The following RNF13 variants were observed in gnomAD, a reference collection of about 807,000 sequenced individuals.
RNF13 encodes E3 ubiquitin-protein ligase RNF13.
Under a neutral mutation model 37.7 loss-of-function variants are expected in RNF13, and 19 were observed. The observed-to-expected ratio is 0.50, with a 90% confidence interval of 0.35 to 0.74. The LOEUF (loss-of-function observed/expected upper bound fraction) is 0.74, where lower values mean the gene tolerates loss of function less well. Among genes scored for constraint, RNF13 ranks in the 30% least tolerant of loss-of-function variants. The pLI is 0.01. For missense variants in RNF13, 375 were observed against 453.0 expected (o/e 0.83, Z 1.56); for synonymous variants, 144 against 157.8 (o/e 0.91, Z 0.65).
chr3:149,894,468 G>T (rs1576836211), intron 4 of RNF13, among the ~76,000 whole-genome samples: 1 of 152,092 alleles, frequency 6.6e-6, no homozygotes, highest in African/African-American at 2.4e-5. Context: ...ATAGCAGAGT[G>T]TTGAATCATT....
intron 1 of RNF13, among the ~76,000 whole-genome samples, chr3:149,824,387 A>C (rs1283157212): frequency 6.6e-6 from 1 of 152,228 alleles, no homozygotes; most frequent in Non-Finnish European, 1.5e-5. Flanking sequence ...TGTAATCACA[A>C]GTGTCCTTAA....
intron 1 of RNF13, among the ~76,000 whole-genome samples, chr3:149,835,558 T>C (rs753113227): frequency 9.2e-5 from 14 of 152,090 alleles, no homozygotes; most frequent in Non-Finnish European, 1.9e-4. Flanking sequence ...TCACTAGGAA[T>C]AATAGTTTCC....
chr3:149,864,254 G>C (rs1344250820), intron 3 of RNF13, among the ~76,000 whole-genome samples: 2 of 151,894 alleles, frequency 1.3e-5, no homozygotes, highest in Non-Finnish European at 2.9e-5. Flanking sequence ...AGTTGTTCAA[G>C]AGTCTGGCCC....
chr3:149,823,421 G>A (rs1720187700), intron 1 of RNF13, among the ~76,000 whole-genome samples: 1 of 152,154 alleles, frequency 6.6e-6, no homozygotes, highest in Non-Finnish European at 1.5e-5. Flanking sequence ...ACAATGAAAT[G>A]CACATTTATT....
Position 149,897,251 on chromosome 3 carries a change from C to T in RNF13, c.409+1691C>T, listed in dbSNP as rs758707381. On this transcript the variant is annotated intron_variant, in intron 5 of 9. Coordinates refer to ENST00000392894, the MANE Select transcript of RNF13 (RefSeq NM_183381.3). ...TATAACTTTGAGCAAGTTACTTACT[C>T]TTTGTGTGTTTTGCTAAAGGCCCAA... Among the ~76,000 whole-genome samples, 26 of 152,184 alleles carry T rather than the reference C, an allele frequency of 1.7e-4. 1 individual carries two copies. The highest frequency in any genetic ancestry group is 2.2e-4 in the Non-Finnish European group (15 of 68,042).
chr3:149,916,294 A>G (rs1717501063), intron 7 of RNF13, among the ~76,000 whole-genome samples: 1 of 152,214 alleles, frequency 6.6e-6, no homozygotes, highest in African/African-American at 2.4e-5. Context: ...ATACTCAAAT[A>G]ACAATTTAAA....
intron 8 of RNF13, among the ~76,000 whole-genome samples, chr3:149,945,380 G>A (rs1034853405): frequency 3.9e-5 from 6 of 152,160 alleles, no homozygotes; most frequent in African/African-American, 1.4e-4. Context: ...GGGGGTGCCC[G>A]CCATTGCTGA....
intron 1 of RNF13, among the ~76,000 whole-genome samples, chr3:149,838,231 C>T (rs941814986): frequency 1.2e-4 from 18 of 152,252 alleles, no homozygotes; most frequent in East Asian, 3.9e-4. Flanking sequence ...TGAGTGTCTA[C>T]GGCTTTTCCA....
intron 8 of RNF13, among the ~76,000 whole-genome samples, chr3:149,956,092 A>G (rs1204551246): frequency 6.6e-6 from 1 of 152,162 alleles, no homozygotes; most frequent in African/African-American, 2.4e-5. Context: ...GTGGGGGTAG[A>G]GGGATCAAAT....
At chr3:149,816,386 G>A (rs951826815) in intron 1 of RNF13, among the ~76,000 whole-genome samples, 78 of 152,214 alleles carry the variant, frequency 5.1e-4, no homozygotes, top group African/African-American at 1.8e-3. Context: ...TTGTGGATTC[G>A]TACTTGCTGG....
intron 4 of RNF13, among the ~76,000 whole-genome samples, chr3:149,881,537 TC>T (rs2108461931): frequency 6.6e-6 from 1 of 152,018 alleles, no homozygotes; most frequent in East Asian, 1.9e-4. Flanking sequence ...CACCACGTTG[TC>T]CAGGCTGGCC....
chr3:149,830,894 G>C (rs1465916778), intron 1 of RNF13, among the ~76,000 whole-genome samples: 1 of 152,200 alleles, frequency 6.6e-6, no homozygotes, highest in Admixed American at 6.5e-5. Flanking sequence ...CTTGGGACTT[G>C]GTGTCCTGGG....
intron 8 of RNF13, among the ~76,000 whole-genome samples, chr3:149,956,856 T>C (rs1006658147): frequency 1.3e-5 from 2 of 152,138 alleles, no homozygotes; most frequent in African/African-American, 4.8e-5. Flanking sequence ...TACTTTGGTT[T>C]AGGGGGCTGT....
At chr3:149,954,418 C>T (rs1721659189) in intron 8 of RNF13, among the ~76,000 whole-genome samples, 1 of 152,046 alleles carries the variant, frequency 6.6e-6, no homozygotes, top group Non-Finnish European at 1.5e-5. Context: ...TTACTCCTTA[C>T]CCACCCACCT....
chr3:149,869,975 C>T (rs1201143496), intron 3 of RNF13, among the ~76,000 whole-genome samples: 3 of 151,658 alleles, frequency 2.0e-5, no homozygotes, highest in Non-Finnish European at 4.4e-5. Context: ...AGGTTCATGC[C>T]CAGTGGACCT....
intron 8 of RNF13, among the ~76,000 whole-genome samples, chr3:149,925,036 C>T (rs1718497618): frequency 6.6e-6 from 1 of 152,102 alleles, no homozygotes; most frequent in African/African-American, 2.4e-5. Flanking sequence ...TTTAATTTCT[C>T]TCAGGTAGGA....
intron 4 of RNF13, among the ~76,000 whole-genome samples, chr3:149,878,371 G>T (rs2108454855): frequency 6.6e-6 from 1 of 152,244 alleles, no homozygotes; most frequent in South Asian, 2.1e-4. Context: ...ATATTAATGA[G>T]AGTTAAAATG....
chr3:149,862,756 T>C (rs1724399508), intron 3 of RNF13, among the ~76,000 whole-genome samples: 1 of 152,180 alleles, frequency 6.6e-6, no homozygotes, highest in South Asian at 2.1e-4. Context: ...TATAACTAGA[T>C]GCCAATTCAC....
At chr3:149,850,440 T>A (rs1723027929) in intron 2 of RNF13, among the ~76,000 whole-genome samples, 1 of 152,186 alleles carries the variant, frequency 6.6e-6, no homozygotes, top group Admixed American at 6.5e-5. Flanking sequence ...TATGAAACAA[T>A]CCTTATTTTG....
Sources: gnomAD v4.1 joint callset for allele counts (sites outside exome capture counted in the v4.1 genomes callset) on GRCh38, gnomAD v4.1.1 for gene constraint, MANE v1.5 for transcripts, NCBI Gene and HGNC (gene_info 2026-07-23, HGNC 2026-07-21) for gene names.